The following PRR12 variants were observed in gnomAD, a reference collection of about 807,000 sequenced individuals.
The protein encoded by PRR12 is proline rich 12, also known as proline-rich protein 12.
A neutral mutation model predicts 138.0 loss-of-function variants in PRR12; 12 were observed. The observed-to-expected ratio is 0.09, with a 90% CI of 0.06 to 0.14. The LOEUF (loss-of-function observed/expected upper bound fraction) is 0.14. PRR12 is among the 10% of genes least tolerant of loss of function. PRR12 has a pLI of 1.00. For synonymous variants in PRR12, 1,567 were observed against 1,291.7 expected (o/e 1.21, Z -4.57); for missense variants, 2,692 against 2,861.3 (o/e 0.94, Z 1.35).
chr19:49,603,582 C>T (rs538642272), intron 6 of PRR12, among the ~76,000 whole-genome samples: 7 of 152,138 alleles, frequency 4.6e-5, no homozygotes, highest in African/African-American at 1.7e-4. Flanking sequence ...ATCCCATCTA[C>T]TCGGGAGGCT....
Position 49,622,157 on chromosome 19 carries a change from G to A in PRR12, c.5721+535G>A, listed in dbSNP as rs201412214. 1.3e-3 allele frequency among the ~76,000 whole-genome samples: 198 copies of A among 152,314 alleles called. 1 individual carries two copies. The highest frequency in any genetic ancestry group is 4.7e-3 in the African/African-American group (195 of 41,564). On this transcript the variant is annotated intron_variant, in intron 11 of 13. Transcript: ENST00000418929. ...GACTTCTGGAATCGAATGTTATTCT[G>A]GCTTTGAGAATTCTGGAAGACTTGC...
rs759122948 is a variant in PRR12 at position 49,596,519 on chromosome 19, G to A, written c.2184G>A (p.Lys728=). ...TGGGCCTGGGGAGGCTGAAGGAGAAGAAGAAAGGGCCAGAGCGGGGTGGCG... is the reference window on the plus strand; with the variant it reads ...TGGGCCTGGGGAGGCTGAAGGAGAAAAAGAAAGGGCCAGAGCGGGGTGGCG... ...LELGLGRLKE[K]KKGPERGGET... The change falls in exon 4 of 14, where the codon AAG becomes AAA. Residue 728 remains lysine, a synonymous_variant. Coordinates refer to ENST00000418929, the MANE Select transcript of PRR12 (RefSeq NM_020719.3). The surrounding 1 kb of genome is among the most constrained non-coding windows in gnomAD (Gnocchi z 5.6). 13 of 1,609,926 alleles carry A rather than the reference G, an allele frequency of 8.1e-6. No homozygotes were observed. The highest frequency in any genetic ancestry group is 3.4e-6 in the Non-Finnish European group (4 of 1,178,854).
In PRR12 at chr19:49,598,591, G is replaced by A. The variant is rs549384762; in HGVS notation, c.3678+578G>A. Among the ~76,000 whole-genome samples, 12 of 152,242 alleles carry A rather than the reference G, an allele frequency of 7.9e-5. 1 individual carries two copies. Among genetic ancestry groups the A allele is most frequent in the Middle Eastern group, 3.4e-3 (1 of 294 alleles). On this transcript the variant is annotated intron_variant, in intron 4 of 13. Transcript: ENST00000418929. Reference sequence around the variant, plus strand: ...TCCCAGCGCTTTGGGAGACTGAGGCGGGAGGATCTCTTGAACCCAGATGTT... The same window carrying A: ...TCCCAGCGCTTTGGGAGACTGAGGCAGGAGGATCTCTTGAACCCAGATGTT...
In PRR12 at chr19:49,625,172, A is replaced by T. The variant is rs767820842; in HGVS notation, c.5936A>T (p.Tyr1979Phe). ...TLYHSLHHYK[Y>F]HTFLRCRDQT... ...TACCATTCGCTCCACCACTATAAAT[A>T]CCACACCTTCCTGCGCTGCCGGGAC... The change falls in exon 13 of 14, where the codon TAC (tyrosine) becomes TTC (phenylalanine). Residue 1979 changes from tyrosine to phenylalanine, a missense_variant. Physicochemically the swap from Tyr to Phe is conservative, Grantham distance 22. Coordinates refer to ENST00000418929, the MANE Select transcript of PRR12 (RefSeq NM_020719.3). This position sits in a 1 kb window ranked among gnomAD's most constrained non-coding sequence, Gnocchi z 5.5. 1 of 1,613,636 alleles carries T rather than the reference A, an allele frequency of 6.2e-7. No individual in the cohort carries two copies. Among genetic ancestry groups the T allele is most frequent in the South Asian group, 1.1e-5 (1 of 91,074 alleles).
chr19:49,614,547 G>A lies in PRR12; in HGVS notation c.4788G>A (p.Thr1596=), dbSNP rs368630243. The A allele has an allele frequency of 1.7e-5, 27 of 1,551,272 alleles. No individual in the cohort carries two copies. The highest frequency in any genetic ancestry group is 2.4e-5 in the East Asian group (1 of 41,088). ...DIPSLKLALQ[T]GREPPPIWRV... ...CTCCTCCTCAGCTGGCGTTGCAGACGGGGCGTGAACCCCCACCCATCTGGC... is the reference window on the plus strand; with the variant it reads ...CTCCTCCTCAGCTGGCGTTGCAGACAGGGCGTGAACCCCCACCCATCTGGC... The change falls in exon 7 of 14, where the codon ACG becomes ACA. Residue 1596 remains threonine, a synonymous_variant. Transcript: ENST00000418929. The surrounding 1 kb of genome is among the most constrained non-coding windows in gnomAD (Gnocchi z 5.0).
At chr19:49,621,477 T>C (rs749745695) in intron 10 of PRR12, 48 bp from the exon 11 acceptor site, 1 of 1,462,470 alleles carries the variant, frequency 6.8e-7, no homozygotes, top group Non-Finnish European at 9.4e-7. Flanking sequence ...TTGGCCCCAG[T>C]GCTTTGTGAG....
At chr19:49,622,352 C>T (rs1013812128) in intron 11 of PRR12, among the ~76,000 whole-genome samples, 2 of 151,264 alleles carry the variant, frequency 1.3e-5, no homozygotes, top group African/African-American at 4.9e-5. Flanking sequence ...AAGCCAAGGC[C>T]GGTAGATGGC....
At position 49,599,247 on chromosome 19, in the gene PRR12, C is replaced by A. The variant is rs1401740242; in HGVS notation, c.3679-25C>A. 1 of 1,534,070 alleles carries A rather than the reference C, an allele frequency of 6.5e-7. No individual in the cohort carries two copies. Among genetic ancestry groups the A allele is most frequent in the Non-Finnish European group, 8.8e-7 (1 of 1,142,848 alleles). On this transcript the variant is annotated intron_variant, in intron 4 of 13. Coordinates refer to ENST00000418929, the MANE Select transcript of PRR12 (RefSeq NM_020719.3). The surrounding 1 kb of genome is among the most constrained non-coding windows in gnomAD (Gnocchi z 5.0). The stretch of plus-strand genomic sequence containing the variant: ...CTGGGGGCCCAGGCTACTGGGCCCT[C>A]ACGGCCCGCCACTCCCATGTCTAGA...
Position 49,624,948 on chromosome 19 carries a change from C to A in PRR12, c.5826C>A (p.Arg1942=). The change falls in exon 12 of 14, where the codon CGC becomes CGA. Residue 1942 remains arginine, a synonymous_variant. Coordinates refer to ENST00000418929, the MANE Select transcript of PRR12 (RefSeq NM_020719.3). ...RLRPAGEPYN[R]KTLSKLKRSV... is the part of the protein sequence containing the mutation. The stretch of plus-strand genomic sequence containing the variant: ...GGCCTGCTGGGGAACCCTACAACCG[C>A]AAGACGCTCAGCAAGCTCAAGAGGA... The A allele has an allele frequency of 6.3e-7, 1 of 1,596,444 alleles. No individual in the cohort carries two copies. Among genetic ancestry groups the A allele is most frequent in the South Asian group, 1.1e-5 (1 of 88,546 alleles).
chr19:49,591,240 A>AGGCGGCGGC lies in PRR12; in HGVS notation c.-404_-396dup, dbSNP rs541946162. Reference sequence around the variant, plus strand: ...TGCACCGTGAGCGCAGAGGAGGAGGAGGCGGCGGCGGCGGCGGCGAGAGAG... The same window carrying AGGCGGCGGC: ...TGCACCGTGAGCGCAGAGGAGGAGGAGGCGGCGGCGGCGGCGGCGGCGGCGGCGAGAGAG... On this transcript the variant is annotated 5_prime_UTR_variant, in exon 1 of 14. Coordinates refer to ENST00000418929, the MANE Select transcript of PRR12 (RefSeq NM_020719.3). Among the ~76,000 whole-genome samples, 9 of 128,824 alleles carry AGGCGGCGGC rather than the reference A, an allele frequency of 7.0e-5. No homozygotes were observed. The highest frequency in any genetic ancestry group is 2.1e-4 in the African/African-American group (7 of 33,908). The allele number at this position is 128,824 out of a possible 152,430, so 84.5% of individuals were successfully genotyped here. A position where few individuals can be genotyped will look rare whatever the true frequency, so the allele number is the denominator to read the frequency against.
Position 49,599,707 on chromosome 19 carries a change from C to T in PRR12, c.4114C>T (p.Arg1372Trp), listed in dbSNP as rs752164861. 1 of 1,613,522 alleles carries T rather than the reference C, an allele frequency of 6.2e-7. No individual in the cohort carries two copies. Among genetic ancestry groups the T allele is most frequent in the Non-Finnish European group, 8.5e-7 (1 of 1,179,868 alleles). ...CAAGCGGCTTGATGAGGAGCTGAAG[C>T]GGAACCTCGAGACGCTGCCCTCCTT... Reference protein sequence around the residue: ...PCKRLDEELKRNLETLPSFSS... With the variant: ...PCKRLDEELKWNLETLPSFSS... The change falls in exon 5 of 14, where the codon CGG (arginine) becomes TGG (tryptophan). Residue 1372 changes from arginine (R) to tryptophan (W), a missense_variant. This residue lies in a region of PRR12 where 22 missense variants were observed against 59.2 expected (regional missense o/e 0.37). Transcript: ENST00000418929. The surrounding 1 kb of genome is among the most constrained non-coding windows in gnomAD (Gnocchi z 5.0).
Position 49,595,576 on chromosome 19 carries a change from C to T in PRR12, c.1241C>T (p.Thr414Ile), listed in dbSNP as rs754508849. The T allele has an allele frequency of 3.1e-6, 5 of 1,602,928 alleles. No homozygotes were observed. The highest frequency in any genetic ancestry group is 2.2e-5 in the East Asian group (1 of 44,556). The change falls in exon 4 of 14, where the codon ACC becomes ATC. Residue 414 changes from threonine (T) to isoleucine (I), a missense_variant. By Grantham distance (89) the Thr-to-Ile change is moderately conservative. Coordinates refer to ENST00000418929, the MANE Select transcript of PRR12 (RefSeq NM_020719.3). ...CCCCCCCCACCCCGTTCGACCGCCA[C>T]CCCCAAATGTCAGAGCCTGGGTGGG... ...TRPPPPRSTA[T>I]PKCQSLGGPA...
rs554167739 is a variant in PRR12, at chr19:49,594,506, C to T, written c.252C>T (p.Pro84=). The change falls in exon 3 of 14, where the codon CCC becomes CCT. Residue 84 remains proline, a synonymous_variant. Transcript: ENST00000418929. The surrounding 1 kb of genome is among the most constrained non-coding windows in gnomAD (Gnocchi z 5.6). ...TCCACCACGCGGGCTCAGCAGGGCC[C>T]GACGCCTCCGTCATGAACCTTATCT... ...TGLHHAGSAG[P]DASVMNLISA... is the part of the protein sequence containing the mutation. 1.7e-5 allele frequency: 27 copies of T among 1,613,338 alleles called. No homozygotes were observed. In the African/African-American group the frequency reaches 2.0e-4, roughly 12 times the overall value.
Position 49,596,170 on chromosome 19 carries a change from C to T in PRR12, c.1835C>T (p.Ala612Val). ...GGAGCTGGCAGCTATGCAGCCGGAGCAGGTGGCTACAAGGGCAAGGGGGAT... is the reference window on the plus strand; with the variant it reads ...GGAGCTGGCAGCTATGCAGCCGGAGTAGGTGGCTACAAGGGCAAGGGGGAT... The part of the protein sequence containing the change: ...PPGAGSYAAG[A>V]GGYKGKGDGS... The change falls in exon 4 of 14, where the codon GCA (alanine) becomes GTA (valine). Residue 612 changes from alanine to valine, a missense_variant. By Grantham distance (64) the Ala-to-Val change is moderately conservative (BLOSUM62 0). Coordinates refer to ENST00000418929, the MANE Select transcript of PRR12 (RefSeq NM_020719.3). The surrounding 1 kb of genome is among the most constrained non-coding windows in gnomAD (Gnocchi z 5.6). 2 of 1,609,314 alleles carry T rather than the reference C, an allele frequency of 1.2e-6. No homozygotes were observed. The highest frequency in any genetic ancestry group is 1.7e-6 in the Non-Finnish European group (2 of 1,179,780).
intron 9 of PRR12, among the ~76,000 whole-genome samples, chr19:49,619,224 G>GTTTTTT (rs34027784): frequency 2.9e-4 from 23 of 79,776 alleles, no homozygotes; most frequent in African/African-American, 6.4e-4. Context: ...CCTCCTGTGA[G>GTTTTTT]TTTTTTTTTT....
Position 49,593,418 on chromosome 19 carries a change from G to T in PRR12, c.178G>T (p.Ala60Ser), listed in dbSNP as rs770086150. 6.2e-7 allele frequency: 1 copy of T among 1,601,884 alleles called. No individual in the cohort carries two copies. Among genetic ancestry groups the T allele is most frequent in the South Asian group, 1.1e-5 (1 of 90,590 alleles). The change falls in exon 2 of 14, where the codon GCC becomes TCC. Residue 60 changes from alanine (A) to serine (S), a missense_variant. Around this residue, in one of 11 missense-constraint regions of PRR12, gnomAD observed 211 missense variants for 266.3 expected, o/e 0.79. Coordinates refer to ENST00000418929, the MANE Select transcript of PRR12 (RefSeq NM_020719.3). ...YAAPHPLQSY[A>S]TNHHPAGLSG... ...GGCCCCCCACCCACTGCAAAGCTAT[G>T]CCACCAACCACCACCCGGCAGGTAC... is the stretch of plus-strand genomic sequence containing the variant.
At chr19:49,598,244 T>A (rs1339252500) in intron 4 of PRR12, among the ~76,000 whole-genome samples, 1 of 151,860 alleles carries the variant, frequency 6.6e-6, no homozygotes, top group Non-Finnish European at 1.5e-5. Flanking sequence ...CGGCTAGTTT[T>A]TTTGTATTTT....
intron 6 of PRR12, among the ~76,000 whole-genome samples, chr19:49,613,330 CA>C (rs781467379): frequency 0.14 from 11,051 of 76,674 alleles, 1,154 homozygotes; most frequent in African/African-American, 0.34. Flanking sequence ...GGCTCCATCT[CA>C]AAAAAAAAAA....
At chr19:49,609,761 AGGCTGGGCTGGTGGGCTG>A (rs2080856347) in intron 6 of PRR12, among the ~76,000 whole-genome samples, 1 of 152,124 alleles carries the variant, frequency 6.6e-6, no homozygotes, top group Non-Finnish European at 1.5e-5. Context: ...GTGAATGCTG[AGGCTGGGCTGGTGGGCTG>A]GGCCCAGCCA....
Sources: gnomAD v4.1 joint callset for allele counts (sites outside exome capture counted in the v4.1 genomes callset) on GRCh38, gnomAD v4.1.1 for gene constraint, gnomAD v4.1.1 regional missense constraint, Gnocchi (gnomAD v3.1) non-coding constraint, MANE v1.5 for transcripts, NCBI Gene and HGNC (gene_info 2026-07-23, HGNC 2026-07-21) for gene names.